MRGPRD: variants seen among roughly 807,000 people sequenced by gnomAD.
The protein encoded by MRGPRD is mas-related G protein-coupled receptor member D.
For missense variants in MRGPRD, 392 were observed against 413.4 expected, an observed-to-expected ratio of 0.95 and a Z score of 0.45; for synonymous variants, 185 against 183.9, an observed-to-expected ratio of 1.01 and a Z score of -0.05.
rs761624574 is a variant in MRGPRD, at chr11:68,980,055, G to A, written c.932C>T (p.Thr311Met). The change falls in exon 1 of 1, where the codon ACG (threonine) becomes ATG (methionine). Residue 311 changes from threonine to methionine, a missense_variant. Thr to Met is a moderately conservative substitution (Grantham distance 81). Coordinates refer to ENST00000309106, the MANE Select transcript of MRGPRD (RefSeq NM_198923.2). The surrounding 1 kb of genome is among the most constrained non-coding windows in gnomAD (Gnocchi z 4.4). ...CATCTCATTGGTGCCCACGGTGGGC[G>A]TCTCCCCACCTTCCAGCTCGGGCTC... Reference protein sequence around the residue: ...REEPELEGGETPTVGTNEMGA With the variant: ...REEPELEGGEMPTVGTNEMGA 8.6e-6 allele frequency: 13 copies of A among 1,517,290 alleles called. No individual in the cohort carries two copies. Among genetic ancestry groups the A allele is most frequent in the Admixed American group, 2.3e-5 (1 of 43,672 alleles). The allele number at this position is 1,517,290 out of a possible 1,614,324, so 94.0% of individuals were successfully genotyped here.
In MRGPRD at chr11:68,980,028, C is replaced by G; in HGVS notation, c.959G>C (p.Gly320Ala). The G allele has an allele frequency of 1.3e-6, 2 of 1,508,602 alleles. No individual in the cohort carries two copies. Among genetic ancestry groups the G allele is most frequent in the Non-Finnish European group, 1.8e-6 (2 of 1,132,630 alleles). The allele number at this position is 1,508,602 out of a possible 1,614,324, so 93.5% of individuals were successfully genotyped here. A position where few individuals can be genotyped will look rare whatever the true frequency, so the allele number is the denominator to read the frequency against. The change falls in exon 1 of 1, where the codon GGG becomes GCG. Residue 320 changes from glycine (G) to alanine (A), a missense_variant. Gly to Ala is a moderately conservative substitution (Grantham distance 60). Coordinates refer to ENST00000309106, the MANE Select transcript of MRGPRD (RefSeq NM_198923.2). This position sits in a 1 kb window ranked among gnomAD's most constrained non-coding sequence, Gnocchi z 4.4. ...AGCACCTGTGGGCGGCTCTCAAGCC[C>G]CCATCTCATTGGTGCCCACGGTGGG... Reference protein sequence around the residue: ...ETPTVGTNEMGA With the variant: ...ETPTVGTNEMAA
In MRGPRD at chr11:68,980,155, G is replaced by A. The variant is rs747655500; in HGVS notation, c.832C>T (p.Leu278=). Residue 278 remains leucine, a synonymous_variant, in exon 1 of 1, where the codon CTG becomes TTG. Coordinates refer to ENST00000309106, the MANE Select transcript of MRGPRD (RefSeq NM_198923.2). This position sits in a 1 kb window ranked among gnomAD's most constrained non-coding sequence, Gnocchi z 4.4. ...SSSANPVIYF[L]VGSRRSHRLP... ...CTGTGGCTCCTCCGGCTGCCCACCAGGAAGTAGATGACGGGGTTGGCGCTG... is the reference window on the plus strand; with the variant it reads ...CTGTGGCTCCTCCGGCTGCCCACCAAGAAGTAGATGACGGGGTTGGCGCTG... 7 of 1,594,898 alleles carry A rather than the reference G, an allele frequency of 4.4e-6. No homozygotes were observed. The highest frequency in any genetic ancestry group is 5.1e-6 in the Non-Finnish European group (6 of 1,173,940).
rs1860176737 is a variant in MRGPRD at position 68,980,210 on chromosome 11, G to A, written c.777C>T (p.Ser259=). 1 of 1,609,050 alleles carries A rather than the reference G, an allele frequency of 6.2e-7. No homozygotes were observed. Among genetic ancestry groups the A allele is most frequent in the Non-Finnish European group, 8.5e-7 (1 of 1,178,112 alleles). ...TTACGGACGAGGAGAGGCGTGACAA[G>A]CTGAAGCACAGGACCTGCATCTCGG... ...LPPEMQVLCF[S]LSRLSSSVSS... is the part of the protein sequence containing the mutation. Residue 259 remains serine (S), a synonymous_variant, in exon 1 of 1, where the codon AGC becomes AGT. Coordinates refer to ENST00000309106, the MANE Select transcript of MRGPRD (RefSeq NM_198923.2). The surrounding 1 kb of genome is among the most constrained non-coding windows in gnomAD (Gnocchi z 4.4).
chr11:68,980,840 G>T lies in MRGPRD; in HGVS notation c.147C>A (p.Ile49=). 1 of 1,614,162 alleles carries T rather than the reference G, an allele frequency of 6.2e-7. No homozygotes were observed. The highest frequency in any genetic ancestry group is 8.5e-7 in the Non-Finnish European group (1 of 1,180,042). Residue 49 remains isoleucine, a synonymous_variant, in exon 1 of 1, where the codon ATC becomes ATA. Transcript: ENST00000309106. The surrounding 1 kb of genome is among the most constrained non-coding windows in gnomAD (Gnocchi z 4.4). The part of the protein sequence containing the change: ...LCGMAGNSMV[I]WLLGFRMHRN... ...TGTGCATTCGAAAGCCCAGCAGCCA[G>T]ATCACCATGCTGTTGCCTGCCATCC...
In MRGPRD at chr11:68,980,081, C is replaced by T; in HGVS notation, c.906G>A (p.Glu302=). 2.6e-6 allele frequency: 4 copies of T among 1,534,350 alleles called. No individual in the cohort carries two copies. In the South Asian group the frequency reaches 3.8e-5, roughly 15 times the overall value. The change falls in exon 1 of 1, where the codon GAG becomes GAA. Residue 302 remains glutamate, a synonymous_variant. Transcript: ENST00000309106. The surrounding 1 kb of genome is among the most constrained non-coding windows in gnomAD (Gnocchi z 4.4). ...LGTVLQQALR[E]EPELEGGETP... is the part of the protein sequence containing the mutation. ...TCTCCCCACCTTCCAGCTCGGGCTCCTCGCGAAGCGCCTGTTGGAGCACAG... is the reference window on the plus strand; with the variant it reads ...TCTCCCCACCTTCCAGCTCGGGCTCTTCGCGAAGCGCCTGTTGGAGCACAG...
rs145975222 is a variant in MRGPRD, at chr11:68,980,765, G to A, written c.222C>T (p.Leu74=). 5,173 of 1,613,814 alleles carry A rather than the reference G, an allele frequency of 3.2e-3. 30 individuals carry two copies. Among genetic ancestry groups the A allele is most frequent in the Middle Eastern group, 0.022 (132 of 6,060 alleles). Residue 74 remains leucine (L), a synonymous_variant, in exon 1 of 1, where the codon CTC becomes CTT. Coordinates refer to ENST00000309106, the MANE Select transcript of MRGPRD (RefSeq NM_198923.2). This position sits in a 1 kb window ranked among gnomAD's most constrained non-coding sequence, Gnocchi z 4.4. ...YILNLAAADL[L]FLFSMASTLS... is the part of the protein sequence containing the mutation. ...GCGTGGAAGCCATGCTGAAGAGGAA[G>A]AGGAGGTCGGCTGCCGCCAGGTTGA...
At position 68,980,616 on chromosome 11, in the gene MRGPRD, C is replaced by T. The variant is rs1264506035; in HGVS notation, c.371G>A (p.Cys124Tyr). Residue 124 changes from cysteine (C) to tyrosine (Y), a missense_variant, in exon 1 of 1, where the codon TGT becomes TAT. Coordinates refer to ENST00000309106, the MANE Select transcript of MRGPRD (RefSeq NM_198923.2). The surrounding 1 kb of genome is among the most constrained non-coding windows in gnomAD (Gnocchi z 4.4). ...SLLTAISTQR[C>Y]LSVLFPIWFK... ...CCAGATAGGGAAGAGGACAGAGAGA[C>T]AGCGCTGGGTGCTGATGGCCGTCAG... is the stretch of plus-strand genomic sequence containing the variant. 6.2e-7 allele frequency: 1 copy of T among 1,614,130 alleles called. No individual in the cohort carries two copies.
chr11:68,980,848 T>C lies in MRGPRD; in HGVS notation c.139A>G (p.Met47Val). 1.9e-6 allele frequency: 3 copies of C among 1,614,176 alleles called. No individual in the cohort carries two copies. Among genetic ancestry groups the C allele is most frequent in the Non-Finnish European group, 2.5e-6 (3 of 1,180,034 alleles). The change falls in exon 1 of 1, where the codon ATG becomes GTG. Residue 47 changes from methionine (M) to valine (V), a missense_variant. Met to Val is a conservative substitution (Grantham distance 21). Coordinates refer to ENST00000309106, the MANE Select transcript of MRGPRD (RefSeq NM_198923.2). This position sits in a 1 kb window ranked among gnomAD's most constrained non-coding sequence, Gnocchi z 4.4. ...TCLCGMAGNS[M>V]VIWLLGFRMH... ...CGAAAGCCCAGCAGCCAGATCACCA[T>C]GCTGTTGCCTGCCATCCCGCACAGG...
chr11:68,980,049 G>GT, the MRGPRD span: 1 of 1,516,334 alleles, frequency 6.6e-7, no homozygotes, highest in Non-Finnish European at 8.8e-7. This position sits in a 1 kb window ranked among gnomAD's most constrained non-coding sequence, Gnocchi z 4.4. Context: ...GGTGCCCACG[G>GT]TGGGCGTCTC....
Position 68,980,029 on chromosome 11 carries a change from C to G in MRGPRD, c.958G>C (p.Gly320Arg). 2.0e-6 allele frequency: 3 copies of G among 1,509,072 alleles called. No individual in the cohort carries two copies. Among genetic ancestry groups the G allele is most frequent in the Non-Finnish European group, 2.6e-6 (3 of 1,132,864 alleles). 93.5% of individuals were successfully genotyped at this position (1,509,072 alleles called of 1,614,324 possible). A position where few individuals can be genotyped will look rare whatever the true frequency, so the allele number is the denominator to read the frequency against. ...ETPTVGTNEM[G>R]A is the part of the protein sequence containing the mutation. Reference sequence around the variant, plus strand: ...GCACCTGTGGGCGGCTCTCAAGCCCCCATCTCATTGGTGCCCACGGTGGGC... The same window carrying G: ...GCACCTGTGGGCGGCTCTCAAGCCCGCATCTCATTGGTGCCCACGGTGGGC... Residue 320 changes from glycine to arginine, a missense_variant, in exon 1 of 1, where the codon GGG becomes CGG. By Grantham distance (125) the Gly-to-Arg change is moderately radical (BLOSUM62 -2). Transcript: ENST00000309106. This position sits in a 1 kb window ranked among gnomAD's most constrained non-coding sequence, Gnocchi z 4.4.
Position 68,980,897 on chromosome 11 carries a change from C to G in MRGPRD, c.90G>C (p.Leu30=). Residue 30 remains leucine, a synonymous_variant, in exon 1 of 1, where the codon CTG becomes CTC. Transcript: ENST00000309106. This position sits in a 1 kb window ranked among gnomAD's most constrained non-coding sequence, Gnocchi z 4.4. ...GGCAGGTGAACATGGCCAGGGAGCT[C>G]AGCACCAGGTAGGCCGTGTGCACTG... ...GSTVHTAYLV[L]SSLAMFTCLC... is the part of the protein sequence containing the mutation. 1 of 1,613,996 alleles carries G rather than the reference C, an allele frequency of 6.2e-7. No homozygotes were observed.
Position 68,980,744 on chromosome 11 carries a change from G to A in MRGPRD, c.243C>T (p.Ser81=). 2 of 1,613,660 alleles carry A rather than the reference G, an allele frequency of 1.2e-6. No individual in the cohort carries two copies. The highest frequency in any genetic ancestry group is 1.7e-6 in the Non-Finnish European group (2 of 1,180,038). ...ADLLFLFSMA[S]TLSLETQPLV... Reference sequence around the variant, plus strand: ...GGGGCTGGGTTTCCAGGCTGAGCGTGGAAGCCATGCTGAAGAGGAAGAGGA... The same window carrying A: ...GGGGCTGGGTTTCCAGGCTGAGCGTAGAAGCCATGCTGAAGAGGAAGAGGA... Residue 81 remains serine, a synonymous_variant, in exon 1 of 1, where the codon TCC becomes TCT. Transcript: ENST00000309106. The surrounding 1 kb of genome is among the most constrained non-coding windows in gnomAD (Gnocchi z 4.4).
Position 68,980,276 on chromosome 11 carries a change from C to T in MRGPRD, c.711G>A (p.Leu237=), listed in dbSNP as rs1343687238. The change falls in exon 1 of 1, where the codon CTG becomes CTA. Residue 237 remains leucine, a synonymous_variant. Coordinates refer to ENST00000309106, the MANE Select transcript of MRGPRD (RefSeq NM_198923.2). The surrounding 1 kb of genome is among the most constrained non-coding windows in gnomAD (Gnocchi z 4.4). ...VLVFLICSLP[L]SIYWFVLYWL... Reference sequence around the variant, plus strand: ...AGTAGAGCACAAACCAGTAGATGCTCAGAGGCAGGGAACAGATGAGGAACA... The same window carrying T: ...AGTAGAGCACAAACCAGTAGATGCTTAGAGGCAGGGAACAGATGAGGAACA... 2 of 1,613,822 alleles carry T rather than the reference C, an allele frequency of 1.2e-6. No individual in the cohort carries two copies. Among genetic ancestry groups the T allele is most frequent in the African/African-American group, 1.3e-5 (1 of 74,898 alleles).
rs1400984196 is a variant in MRGPRD at position 68,980,141 on chromosome 11, C to T, written c.846G>A (p.Arg282=). Reference sequence around the variant, plus strand: ...ACCTGGTGGGCAGCCTGTGGCTCCTCCGGCTGCCCACCAGGAAGTAGATGA... The same window carrying T: ...ACCTGGTGGGCAGCCTGTGGCTCCTTCGGCTGCCCACCAGGAAGTAGATGA... The part of the protein sequence containing the change: ...NPVIYFLVGS[R]RSHRLPTRSL... The change falls in exon 1 of 1, where the codon CGG becomes CGA. Residue 282 remains arginine (R), a synonymous_variant. Coordinates refer to ENST00000309106, the MANE Select transcript of MRGPRD (RefSeq NM_198923.2). This position sits in a 1 kb window ranked among gnomAD's most constrained non-coding sequence, Gnocchi z 4.4. 1 of 1,586,084 alleles carries T rather than the reference C, an allele frequency of 6.3e-7. No individual in the cohort carries two copies. The highest frequency in any genetic ancestry group is 8.5e-7 in the Non-Finnish European group (1 of 1,171,472).
rs776075795 is a variant in MRGPRD at position 68,980,851 on chromosome 11, T to G, written c.136A>C (p.Ser46Arg). 1.2e-6 allele frequency: 2 copies of G among 1,614,092 alleles called. No individual in the cohort carries two copies. The highest frequency in any genetic ancestry group is 3.3e-5 in the Admixed American group (2 of 60,008). ...AAGCCCAGCAGCCAGATCACCATGC[T>G]GTTGCCTGCCATCCCGCACAGGCAG... ...FTCLCGMAGN[S>R]MVIWLLGFRM... The change falls in exon 1 of 1, where the codon AGC becomes CGC. Residue 46 changes from serine (S) to arginine (R), a missense_variant. Physicochemically the swap from Ser to Arg is moderately radical, Grantham distance 110. Transcript: ENST00000309106. The surrounding 1 kb of genome is among the most constrained non-coding windows in gnomAD (Gnocchi z 4.4).
Position 68,980,847 on chromosome 11 carries a change from A to G in MRGPRD, c.140T>C (p.Met47Thr). Reference sequence around the variant, plus strand: ...TCGAAAGCCCAGCAGCCAGATCACCATGCTGTTGCCTGCCATCCCGCACAG... The same window carrying G: ...TCGAAAGCCCAGCAGCCAGATCACCGTGCTGTTGCCTGCCATCCCGCACAG... ...TCLCGMAGNSMVIWLLGFRMH... is the reference protein window; with the variant it reads ...TCLCGMAGNSTVIWLLGFRMH... Residue 47 changes from methionine (M) to threonine (T), a missense_variant, in exon 1 of 1, where the codon ATG becomes ACG. By Grantham distance (81) the Met-to-Thr change is moderately conservative. Transcript: ENST00000309106. The surrounding 1 kb of genome is among the most constrained non-coding windows in gnomAD (Gnocchi z 4.4). 2 of 1,614,200 alleles carry G rather than the reference A, an allele frequency of 1.2e-6. No homozygotes were observed. Among genetic ancestry groups the G allele is most frequent in the Non-Finnish European group, 8.5e-7 (1 of 1,180,034 alleles).
In MRGPRD at chr11:68,980,828, G is replaced by A. The variant is rs1860187956; in HGVS notation, c.159C>T (p.Gly53=). 1 of 1,614,130 alleles carries A rather than the reference G, an allele frequency of 6.2e-7. No individual in the cohort carries two copies. The highest frequency in any genetic ancestry group is 8.5e-7 in the Non-Finnish European group (1 of 1,180,028). The change falls in exon 1 of 1, where the codon GGC becomes GGT. Residue 53 remains glycine (G), a synonymous_variant. Coordinates refer to ENST00000309106, the MANE Select transcript of MRGPRD (RefSeq NM_198923.2). The surrounding 1 kb of genome is among the most constrained non-coding windows in gnomAD (Gnocchi z 4.4). ...AGNSMVIWLL[G]FRMHRNPFCI... The stretch of plus-strand genomic sequence containing the variant: ...AGAAGGGGTTCCTGTGCATTCGAAA[G>A]CCCAGCAGCCAGATCACCATGCTGT...
rs137989951 is a variant in MRGPRD at position 68,980,269 on chromosome 11, A to G, written c.718T>C (p.Tyr240His). Residue 240 changes from tyrosine to histidine, a missense_variant, in exon 1 of 1, where the codon TAC becomes CAC. By Grantham distance (83) the Tyr-to-His change is moderately conservative. Transcript: ENST00000309106. This position sits in a 1 kb window ranked among gnomAD's most constrained non-coding sequence, Gnocchi z 4.4. ...CTCAACCAGTAGAGCACAAACCAGT[A>G]GATGCTCAGAGGCAGGGAACAGATG... is the stretch of plus-strand genomic sequence containing the variant. ...FLICSLPLSI[Y>H]WFVLYWLSLP... is the part of the protein sequence containing the mutation. 5.0e-6 allele frequency: 8 copies of G among 1,613,850 alleles called. No individual in the cohort carries two copies. Among genetic ancestry groups the G allele is most frequent in the Non-Finnish European group, 6.8e-6 (8 of 1,179,948 alleles).
In MRGPRD at chr11:68,980,344, G is replaced by C. The variant is rs1420682569; in HGVS notation, c.643C>G (p.Gln215Glu). The C allele has an allele frequency of 6.2e-7, 1 of 1,613,524 alleles. No homozygotes were observed. Residue 215 changes from glutamine (Q) to glutamate (E), a missense_variant, in exon 1 of 1, where the codon CAG becomes GAG. By Grantham distance (29) the Gln-to-Glu change is conservative. Transcript: ENST00000309106. This position sits in a 1 kb window ranked among gnomAD's most constrained non-coding sequence, Gnocchi z 4.4. ...VRRSSQQWRR[Q>E]PTRLFVVVLA... The stretch of plus-strand genomic sequence containing the variant: ...ACCACCACGAACAGCCGTGTGGGCT[G>C]CCGCCGCCACTGCTGGGAGCTCCTC...
Sources: gnomAD v4.1 joint callset for allele counts on GRCh38, gnomAD v4.1.1 for gene constraint, Gnocchi (gnomAD v3.1) non-coding constraint, MANE v1.5 for transcripts, NCBI Gene and HGNC (gene_info 2026-07-23, HGNC 2026-07-21) for gene names.